The following DPYD variants were observed in gnomAD, a reference collection of about 807,000 sequenced individuals.
The protein encoded by DPYD is dihydropyrimidine dehydrogenase.
Under a neutral mutation model 116.2 loss-of-function variants are expected in DPYD, and 109 were observed. That is an observed-to-expected ratio of 0.94 (90% CI 0.80 to 1.10). The LOEUF is 1.10. DPYD is among the 50% of genes least tolerant of loss of function. DPYD has a pLI of 0.00. For synonymous variants in DPYD, 440 were observed against 432.0 expected, an observed-to-expected ratio of 1.02 and a Z score of -0.23; for missense variants, 1,302 against 1,254.5, an observed-to-expected ratio of 1.04 and a Z score of -0.57.
At chr1:97,516,542 G>A (rs988058701) in intron 12 of DPYD, among the ~76,000 whole-genome samples, 7 of 151,964 alleles carry the variant, frequency 4.6e-5, no homozygotes, top group East Asian at 3.9e-4. Context: ...CATGCATTAC[G>A]GGGGTTTGTT....
At chr1:97,611,742 AT>A (rs1655965591) in intron 8 of DPYD, among the ~76,000 whole-genome samples, 6 of 151,978 alleles carry the variant, frequency 3.9e-5, no homozygotes, top group African/African-American at 1.4e-4. Context: ...TTTACTACAG[AT>A]TTTTTCATCT....
intron 3 of DPYD, among the ~76,000 whole-genome samples, chr1:97,817,201 C>G (rs187075813): frequency 5.8e-4 from 89 of 152,166 alleles, no homozygotes; most frequent in African/African-American, 1.9e-3. Context: ...AATTATGTAG[C>G]CCAGAAAGCT....
intron 20 of DPYD, among the ~76,000 whole-genome samples, chr1:97,173,593 T>C (rs372483057): frequency 5.4e-4 from 82 of 150,568 alleles, no homozygotes; most frequent in African/African-American, 1.9e-3. Context: ...TGATAAAGAG[T>C]TTATCTTATT....
At chr1:97,154,658 CAAAGATTGCGCCACT>C (rs1655302581) in intron 20 of DPYD, among the ~76,000 whole-genome samples, 1 of 144,772 alleles carries the variant, frequency 6.9e-6, no homozygotes, top group Non-Finnish European at 1.5e-5. Flanking sequence ...TTGCAGTCAG[CAAAGATTGCGCCACT>C]GCCCTCCTGG....
intron 8 of DPYD, among the ~76,000 whole-genome samples, chr1:97,605,004 C>T (rs907472062): frequency 2.6e-5 from 4 of 152,048 alleles, no homozygotes; most frequent in Non-Finnish European, 5.9e-5. Flanking sequence ...TAAAGAATCA[C>T]ATTTCCCCAC....
At chr1:97,618,467 C>A (rs546183756) in intron 8 of DPYD, among the ~76,000 whole-genome samples, 1 of 151,592 alleles carries the variant, frequency 6.6e-6, no homozygotes, top group South Asian at 2.1e-4. Flanking sequence ...CCTCCGCCTC[C>A]CGGGTTCAAG....
chr1:97,495,122 G>C (rs937448731), intron 13 of DPYD, among the ~76,000 whole-genome samples: 2 of 152,140 alleles, frequency 1.3e-5, no homozygotes, highest in Non-Finnish European at 2.9e-5. Flanking sequence ...TAAGGCTTCT[G>C]TTATTGTGTC....
rs1403274921 is a variant in DPYD at position 97,358,469 on chromosome 1, C to T, written c.2058+15092G>A. Among the ~76,000 whole-genome samples, 3 of 152,198 alleles carry T rather than the reference C, an allele frequency of 2.0e-5. No homozygotes were observed. The East Asian group carries it at 5.8e-4, about 29-fold the overall frequency. On this transcript the variant is annotated intron_variant, in intron 16 of 22. Coordinates refer to ENST00000370192, the MANE Select transcript of DPYD (RefSeq NM_000110.4). ...AGCAGTGGTTCTCCCAGCATGGTGT[C>T]TGAGCTCAGAGAAAGGACAGGCTGC... is the stretch of plus-strand genomic sequence containing the variant.
At chr1:97,789,306 A>G (rs547927102) in intron 3 of DPYD, among the ~76,000 whole-genome samples, 101 of 152,346 alleles carry the variant, frequency 6.6e-4, no homozygotes, top group African/African-American at 2.4e-3. Context: ...AGAAGCAAAT[A>G]TAACTAATCA....
At chr1:97,519,484 C>G (rs915563163) in intron 12 of DPYD, among the ~76,000 whole-genome samples, 16 of 152,070 alleles carry the variant, frequency 1.1e-4, no homozygotes, top group South Asian at 6.2e-4. Flanking sequence ...GGGACACAGT[C>G]AAACCATATC....
chr1:97,246,239 T>C (rs993028446), intron 18 of DPYD, among the ~76,000 whole-genome samples: 7 of 152,152 alleles, frequency 4.6e-5, no homozygotes, highest in African/African-American at 1.7e-4. Flanking sequence ...CAAAATTATT[T>C]CTTGTACCCA....
intron 21 of DPYD, among the ~76,000 whole-genome samples, chr1:97,089,084 C>T (rs906384063): frequency 5.9e-5 from 9 of 152,236 alleles, no homozygotes; most frequent in African/African-American, 1.2e-4. Flanking sequence ...ACTGGTGTCC[C>T]GCCAACACTG....
At chr1:97,359,087 C>T (rs1670576924) in intron 16 of DPYD, among the ~76,000 whole-genome samples, 1 of 151,670 alleles carries the variant, frequency 6.6e-6, no homozygotes, top group Admixed American at 6.6e-5. Context: ...TGAATGGCCA[C>T]CTAGAATAAA....
intron 11 of DPYD, among the ~76,000 whole-genome samples, chr1:97,561,533 C>T (rs1214217537): frequency 1.3e-5 from 2 of 152,092 alleles, no homozygotes; most frequent in African/African-American, 4.8e-5. Context: ...GTAAGATATA[C>T]AGAGTGAAAT....
At chr1:97,180,485 T>A (rs1008778114) in intron 20 of DPYD, among the ~76,000 whole-genome samples, 2 of 152,140 alleles carry the variant, frequency 1.3e-5, no homozygotes, top group Admixed American at 6.6e-5. Flanking sequence ...CCACTGATTG[T>A]GTAGAGATCA....
chr1:97,665,793 T>A (rs1557870479), intron 8 of DPYD, among the ~76,000 whole-genome samples: 1 of 152,348 alleles, frequency 6.6e-6, no homozygotes, highest in Admixed American at 6.5e-5. Context: ...TATGCTTGCA[T>A]AAAAAGTTAA....
At chr1:97,656,406 C>T (rs1355131756) in intron 8 of DPYD, among the ~76,000 whole-genome samples, 1 of 152,142 alleles carries the variant, frequency 6.6e-6, no homozygotes, top group African/African-American at 2.4e-5. Flanking sequence ...ATACACTCTT[C>T]ATAAATTCCC....
chr1:97,860,213 C>A (rs1224885444), intron 2 of DPYD, among the ~76,000 whole-genome samples: 3 of 152,036 alleles, frequency 2.0e-5, no homozygotes, highest in Non-Finnish European at 2.9e-5. Flanking sequence ...TGTGGTGATG[C>A]ACTCCTATAG....
chr1:97,714,288 A>C (rs1571235087), intron 5 of DPYD, among the ~76,000 whole-genome samples: 1 of 152,014 alleles, frequency 6.6e-6, no homozygotes, highest in South Asian at 2.1e-4. Context: ...ATCTCGGCTC[A>C]TTGCAACCTC....
Sources: allele counts gnomAD v4.1 joint callset (sites outside exome capture counted in the v4.1 genomes callset), GRCh38; gene constraint gnomAD v4.1.1; transcripts MANE v1.5; gene names NCBI Gene and HGNC (gene_info 2026-07-23, HGNC 2026-07-21).